The following VWA8 variants were observed in gnomAD, a reference collection of about 807,000 sequenced individuals.
VWA8 encodes von Willebrand factor A domain containing 8, also known as von Willebrand factor A domain-containing protein 8.
A neutral mutation model predicts 241.5 loss-of-function variants in VWA8; 221 were observed. That is an observed-to-expected ratio of 0.91 (90% confidence interval 0.82 to 1.02). The LOEUF is 1.02. Ranked by LOEUF, VWA8 falls within the 50% of genes least tolerant of loss-of-function variation. VWA8 has a pLI of 0.00. For synonymous variants in VWA8, 852 were observed against 827.1 expected, an observed-to-expected ratio of 1.03 and a Z score of -0.52; for missense variants, 2,322 against 2,328.7, an observed-to-expected ratio of 1.00 and a Z score of 0.06.
chr13:41,899,491 T>C (rs1161689175), intron 4 of VWA8, among the ~76,000 whole-genome samples: 1 of 152,114 alleles, frequency 6.6e-6, no homozygotes, highest in East Asian at 1.9e-4. Context: ...TAAATAAGAA[T>C]ACTAGCCAAA....
At chr13:41,803,539 G>C (rs939338011) in intron 17 of VWA8, among the ~76,000 whole-genome samples, 2 of 152,180 alleles carry the variant, frequency 1.3e-5, no homozygotes, top group African/African-American at 4.8e-5. Flanking sequence ...AAGAGAACTT[G>C]TGCAGGGAAA....
chr13:41,807,052 C>A (rs561171794), intron 17 of VWA8, among the ~76,000 whole-genome samples: 3 of 152,178 alleles, frequency 2.0e-5, no homozygotes, highest in Non-Finnish European at 2.9e-5. Flanking sequence ...TTAGAAGCTA[C>A]CATGAGAAAC....
At chr13:41,777,648 A>G (rs543133221) in intron 20 of VWA8, among the ~76,000 whole-genome samples, 2 of 152,344 alleles carry the variant, frequency 1.3e-5, no homozygotes, top group East Asian at 1.9e-4. Flanking sequence ...TGGAGAGTAG[A>G]TAAGAATGGG....
At chr13:41,606,614 A>AT (rs1200887457) in intron 39 of VWA8, among the ~76,000 whole-genome samples, 1 of 152,104 alleles carries the variant, frequency 6.6e-6, no homozygotes, top group Non-Finnish European at 1.5e-5. Context: ...TCTAATGTGT[A>AT]TTTTTTATCA....
rs148161443 is a variant in VWA8, at chr13:41,743,428, T to C, written c.2427-11273A>G. On this transcript the variant is annotated intron_variant, in intron 21 of 44. Coordinates refer to ENST00000379310, the MANE Select transcript of VWA8 (RefSeq NM_015058.2). ...TGTTGGCTGTAGTCCTATTCCAAAC[T>C]GTCACTTGACCAAATTCTTACAACC... 2.8e-4 allele frequency among the ~76,000 whole-genome samples: 42 copies of C among 152,310 alleles called. No individual in the cohort carries two copies. In the East Asian group the frequency reaches 7.9e-3, roughly 29 times the overall value.
intron 17 of VWA8, among the ~76,000 whole-genome samples, chr13:41,800,178 G>C (rs189250736): frequency 6.6e-6 from 1 of 152,276 alleles, no homozygotes; most frequent in East Asian, 1.9e-4. Flanking sequence ...CTGTTGAGCA[G>C]TTGATAGTCA....
At chr13:41,952,952 G>A (rs944785368) in intron 1 of VWA8, among the ~76,000 whole-genome samples, 1 of 152,080 alleles carries the variant, frequency 6.6e-6, no homozygotes, top group Non-Finnish European at 1.5e-5. Context: ...CAAGGGGAGA[G>A]AGCAAGCAGA....
In VWA8 at chr13:41,816,330, T is replaced by C. The variant is rs187944897; in HGVS notation, c.1947+368A>G. On this transcript the variant is annotated intron_variant, in intron 16 of 44. Coordinates refer to ENST00000379310, the MANE Select transcript of VWA8 (RefSeq NM_015058.2). ...ATCTGGGAATGGAAATACAAGTCAA[T>C]CAGAAATGAGAAGTTAGAAGCTGAA... Among the ~76,000 whole-genome samples, 22 of 152,178 alleles carry C rather than the reference T, an allele frequency of 1.4e-4. No homozygotes were observed. The East Asian group carries it at 4.3e-3, about 29-fold the overall frequency.
chr13:41,793,959 T>C (rs1212399481), intron 17 of VWA8, among the ~76,000 whole-genome samples: 3 of 152,214 alleles, frequency 2.0e-5, no homozygotes, highest in Admixed American at 6.5e-5. Flanking sequence ...ATGTGTGATC[T>C]TAGAATTTCT....
Position 41,570,615 on chromosome 13 carries a change from G to A in VWA8, c.5462C>T (p.Ala1821Val), listed in dbSNP as rs2044294469. 6.2e-7 allele frequency: 1 copy of A among 1,614,136 alleles called. No individual in the cohort carries two copies. The highest frequency in any genetic ancestry group is 8.5e-7 in the Non-Finnish European group (1 of 1,180,056). ...HAIKEIVKEE[A>V]DEYFVIVLSD... ...CAAGACTATGACAAAGTACTCATCA[G>A]CTTCTTCTTTGACAATTTCCTTGAT... The change falls in exon 44 of 45, where the codon GCT becomes GTT. Residue 1821 changes from alanine to valine, a missense_variant. Coordinates refer to ENST00000379310, the MANE Select transcript of VWA8 (RefSeq NM_015058.2).
intron 37 of VWA8, among the ~76,000 whole-genome samples, chr13:41,636,462 A>T (rs1209942698): frequency 2.0e-5 from 3 of 152,174 alleles, no homozygotes; most frequent in African/African-American, 7.2e-5. Context: ...TAGACCTAAA[A>T]CCATAAAAAC....
chr13:41,696,880 CTT>C (rs1317175316), intron 29 of VWA8, among the ~76,000 whole-genome samples: 3 of 152,200 alleles, frequency 2.0e-5, no homozygotes, highest in Non-Finnish European at 4.4e-5. Context: ...TGCCCCAAGG[CTT>C]AGTGTTTGAA....
At chr13:41,871,549 T>G (rs981186837) in intron 9 of VWA8, among the ~76,000 whole-genome samples, 3 of 152,142 alleles carry the variant, frequency 2.0e-5, no homozygotes, top group Admixed American at 6.5e-5. Flanking sequence ...AGTGAGAATA[T>G]GCGGTGTTTG....
intron 14 of VWA8, among the ~76,000 whole-genome samples, chr13:41,820,516 A>AC (rs1307143129): frequency 1.3e-5 from 2 of 152,140 alleles, no homozygotes; most frequent in African/African-American, 4.8e-5. Flanking sequence ...ACAAGGGGAA[A>AC]CCAATTTTTA....
At chr13:41,814,456 AG>A (rs1439325073) in intron 16 of VWA8, among the ~76,000 whole-genome samples, 3 of 151,932 alleles carry the variant, frequency 2.0e-5, no homozygotes, top group African/African-American at 7.3e-5. Flanking sequence ...TTTGAGTATA[AG>A]CGGTATTAGA....
At chr13:41,654,442 C>T (rs897092227) in intron 37 of VWA8, among the ~76,000 whole-genome samples, 1 of 152,110 alleles carries the variant, frequency 6.6e-6, no homozygotes, top group Non-Finnish European at 1.5e-5. Context: ...AACAATTTTT[C>T]CAGGGACAGG....
intron 26 of VWA8, among the ~76,000 whole-genome samples, chr13:41,706,063 G>A (rs2137832319): frequency 6.6e-6 from 1 of 152,064 alleles, no homozygotes; most frequent in Non-Finnish European, 1.5e-5. Context: ...CTAAAAAATT[G>A]ATCTAATATA....
intron 5 of VWA8, among the ~76,000 whole-genome samples, chr13:41,891,055 C>T (rs1341947294): frequency 6.6e-6 from 1 of 151,448 alleles, no homozygotes; most frequent in African/African-American, 2.4e-5. Context: ...TCCCTGGTGA[C>T]CAGCACTATC....
chr13:41,788,866 A>G (rs1317857932), intron 17 of VWA8, among the ~76,000 whole-genome samples: 1 of 152,190 alleles, frequency 6.6e-6, no homozygotes, highest in Non-Finnish European at 1.5e-5. Context: ...CTTCCCCAAC[A>G]CGTATATAGT....
Sources: allele counts gnomAD v4.1 joint callset (sites outside exome capture counted in the v4.1 genomes callset), GRCh38; gene constraint gnomAD v4.1.1; transcripts MANE v1.5; gene names NCBI Gene and HGNC (gene_info 2026-07-23, HGNC 2026-07-21).